CPB2: variants seen among roughly 807,000 people sequenced by gnomAD.
The protein encoded by CPB2 is carboxypeptidase B-like protein.
CPB2 carries 54 observed loss-of-function variants against 57.0 expected under a neutral mutation model. The ratio of observed to expected loss-of-function variants is 0.95; its 90% CI spans 0.76 to 1.19. The LOEUF (loss-of-function observed/expected upper bound fraction) is 1.19, where lower values mean the gene tolerates loss of function less well. CPB2 is among the 50% of genes most tolerant of loss of function. The pLI, the probability that CPB2 is intolerant of heterozygous loss-of-function variation, is 0.00. For synonymous variants in CPB2, 189 were observed against 178.1 expected, an observed-to-expected ratio of 1.06 and a Z score of -0.49; for missense variants, 426 against 512.0, an observed-to-expected ratio of 0.83 and a Z score of 1.62.
chr13:46,100,701 A>G (rs986007240), intron 1 of CPB2: 15 of 152,182 alleles, frequency 9.9e-5, no homozygotes, highest in African/African-American at 3.6e-4. Flanking sequence ...AGTTGGCTAG[A>G]TAGTAGTAGT....
Position 46,053,518 on chromosome 13 carries a change from C to T in CPB2, c.*96G>A, listed in dbSNP as rs1221386416. 1 of 1,509,128 alleles carries T rather than the reference C, an allele frequency of 6.6e-7. No individual in the cohort carries two copies. The highest frequency in any genetic ancestry group is 2.2e-5 in the Admixed American group (1 of 46,190). 93.5% of individuals were successfully genotyped at this position (1,509,128 alleles called of 1,614,324 possible). On this transcript the variant is annotated 3_prime_UTR_variant, in exon 11 of 11. Transcript: ENST00000181383. ...GGAATAGGAAAATCTTTTATCAAAACTACGGATAAAACTTAAAAATAATTT... is the reference window on the plus strand; with the variant it reads ...GGAATAGGAAAATCTTTTATCAAAATTACGGATAAAACTTAAAAATAATTT...
intron 1 of CPB2, among the ~76,000 whole-genome samples, chr13:46,091,316 G>A (rs1021490789): frequency 7.2e-5 from 11 of 152,080 alleles, no homozygotes; most frequent in African/African-American, 2.7e-4. Context: ...CTTTTAATAC[G>A]TTCTGCTTCT....
chr13:46,066,377 C>T (rs1011760048), intron 7 of CPB2, among the ~76,000 whole-genome samples: 3 of 151,892 alleles, frequency 2.0e-5, no homozygotes, highest in African/African-American at 7.3e-5. Flanking sequence ...TTAGCAAATC[C>T]TGATAATGGG....
intron 7 of CPB2, among the ~76,000 whole-genome samples, chr13:46,066,045 C>T (rs1313825727): frequency 6.6e-6 from 1 of 152,124 alleles, no homozygotes; most frequent in African/African-American, 2.4e-5. Context: ...TACAGTATTC[C>T]TCTCACCAGA....
intron 5 of CPB2, among the ~76,000 whole-genome samples, chr13:46,075,451 T>A (rs17844222): frequency 0.014 from 2,125 of 152,308 alleles, 53 homozygotes; most frequent in African/African-American, 0.047. Flanking sequence ...GACCAAACCA[T>A]CCAGAATGCA....
intron 1 of CPB2, among the ~76,000 whole-genome samples, chr13:46,090,365 T>A (rs1273813091): frequency 6.7e-6 from 1 of 148,484 alleles, no homozygotes; most frequent in Non-Finnish European, 1.5e-5. Context: ...GTCTATTCTT[T>A]TTTTTTTTTT....
intron 1 of CPB2, among the ~76,000 whole-genome samples, chr13:46,088,266 C>A (rs2045240566): frequency 6.6e-6 from 1 of 152,216 alleles, no homozygotes; most frequent in East Asian, 1.9e-4. Context: ...CTTGCCACAT[C>A]ACCAGAGGTA....
At chr13:46,060,804 C>T (rs12428399) in intron 8 of CPB2, among the ~76,000 whole-genome samples, 3 of 151,982 alleles carry the variant, frequency 2.0e-5, no homozygotes, top group Non-Finnish European at 2.9e-5. Flanking sequence ...AACTTGAGGT[C>T]GAGACTCTGC....
intron 1 of CPB2, among the ~76,000 whole-genome samples, chr13:46,104,730 G>A (rs146264364): frequency 6.6e-6 from 1 of 152,282 alleles, no homozygotes; most frequent in East Asian, 1.9e-4. Context: ...TAAAACCAGA[G>A]CCAGGAAAGA....
chr13:46,078,058 TA>T (rs1321650604), intron 5 of CPB2, among the ~76,000 whole-genome samples: 1 of 152,050 alleles, frequency 6.6e-6, no homozygotes, highest in African/African-American at 2.4e-5. Context: ...AAGATGAACT[TA>T]AAATGTTCCC....
chr13:46,094,593 G>A (rs765101883), intron 1 of CPB2, among the ~76,000 whole-genome samples: 25 of 152,182 alleles, frequency 1.6e-4, no homozygotes, highest in Non-Finnish European at 3.2e-4. Flanking sequence ...GAAGCCAGGC[G>A]GGAGGGCTTA....
intron 1 of CPB2, among the ~76,000 whole-genome samples, chr13:46,090,455 C>A (rs1566415569): frequency 2.0e-5 from 3 of 151,522 alleles, no homozygotes. Flanking sequence ...CTCCGCCTCC[C>A]AGGTTCAAGC....
intron 9 of CPB2, 98 bp from the exon 10 acceptor site, chr13:46,055,947 G>C (rs2044691795): frequency 1.6e-6 from 1 of 621,110 alleles, no homozygotes; most frequent in Non-Finnish European, 2.7e-6. Flanking sequence ...TTGAATCAAA[G>C]TATACAGGTA....
chr13:46,070,445 G>T (rs747324510), intron 6 of CPB2, among the ~76,000 whole-genome samples: 2 of 152,158 alleles, frequency 1.3e-5, no homozygotes, highest in Non-Finnish European at 2.9e-5. Flanking sequence ...TGATGAGAGG[G>T]TGGGATTGAT....
intron 2 of CPB2, among the ~76,000 whole-genome samples, chr13:46,084,657 T>G (rs2045172484): frequency 1.3e-5 from 2 of 152,206 alleles, no homozygotes; most frequent in South Asian, 4.1e-4. Context: ...AAATTGCATG[T>G]GTACATCAGA....
At chr13:46,083,669 G>A (rs574175041) in intron 3 of CPB2, among the ~76,000 whole-genome samples, 17 of 152,300 alleles carry the variant, frequency 1.1e-4, no homozygotes, top group Admixed American at 2.6e-4. Context: ...GGTAGGTGCT[G>A]TTTTTACCCT....
intron 7 of CPB2, among the ~76,000 whole-genome samples, chr13:46,066,844 CAA>C (rs35694352): frequency 1.0e-4 from 10 of 99,314 alleles, no homozygotes; most frequent in African/African-American, 1.1e-4. Context: ...GACACCATCT[CAA>C]AAAAAAAAAA....
chr13:46,057,282 C>T (rs1214033460), intron 9 of CPB2, among the ~76,000 whole-genome samples: 1 of 152,004 alleles, frequency 6.6e-6, no homozygotes, highest in Non-Finnish European at 1.5e-5. Context: ...GAAAAAAGCT[C>T]AAGTATCAAG....
intron 8 of CPB2, among the ~76,000 whole-genome samples, chr13:46,058,661 G>A (rs1249855239): frequency 1.3e-5 from 2 of 152,150 alleles, no homozygotes; most frequent in Non-Finnish European, 2.9e-5. Context: ...TGCCAGCCCT[G>A]TCTCCAGACT....
Sources: gnomAD v4.1 joint callset for allele counts (sites outside exome capture counted in the v4.1 genomes callset) on GRCh38, gnomAD v4.1.1 for gene constraint, MANE v1.5 for transcripts, NCBI Gene and HGNC (gene_info 2026-07-23, HGNC 2026-07-21) for gene names.